DTNA: variants seen among roughly 807,000 people sequenced by gnomAD.
DTNA encodes the protein dystrobrevin alpha, also known as dystrophin-related protein 3.
Under a neutral mutation model 100.7 loss-of-function variants are expected in DTNA, and 43 were observed. The observed-to-expected ratio is 0.43, with a 90% CI of 0.33 to 0.55. The LOEUF (loss-of-function observed/expected upper bound fraction) is 0.55, where lower values mean the gene tolerates loss of function less well. Among genes scored for constraint, DTNA ranks in the 20% least tolerant of loss-of-function variants. DTNA has a pLI of 0.04. For missense variants in DTNA, 798 were observed against 953.9 expected, an observed-to-expected ratio of 0.84 and a Z score of 2.15; for synonymous variants, 349 against 347.9, an observed-to-expected ratio of 1.00 and a Z score of -0.04.
At chr18:34,512,578 TG>T (rs774434201) in intron 1 of DTNA, among the ~76,000 whole-genome samples, 2 of 152,084 alleles carry the variant, frequency 1.3e-5, no homozygotes, top group Non-Finnish European at 2.9e-5. Context: ...GATGGCGCAG[TG>T]GCAGTGTGTG....
At chr18:34,818,012 G>A (rs149336290) in intron 7 of DTNA, 152 bp from the exon 8 acceptor site, 1 of 1,537,916 alleles carries the variant, frequency 6.5e-7, no homozygotes, top group East Asian at 2.4e-5. Context: ...AAGATTCCAG[G>A]AATGAACTAA....
In DTNA at chr18:34,716,161, G is replaced by A. The variant is rs570665068; in HGVS notation, c.-2+5716G>A. 6.6e-5 allele frequency among the ~76,000 whole-genome samples: 10 copies of A among 152,230 alleles called. 1 individual carries two copies. The highest frequency in any genetic ancestry group is 9.6e-5 in the African/African-American group (4 of 41,548). On this transcript the variant is annotated intron_variant, in intron 1 of 22. Transcript: ENST00000444659. ...GTCCTAACAAAATAAATAGTCTAAC[G>A]TATTTACATAGTTTTTCGTTGTTTC... is the stretch of plus-strand genomic sequence containing the variant.
chr18:34,826,844 A>T (rs542235248), intron 9 of DTNA, among the ~76,000 whole-genome samples: 1 of 152,288 alleles, frequency 6.6e-6, no homozygotes, highest in South Asian at 2.1e-4. Context: ...AACATTCATG[A>T]TGGGGAAAGA....
intron 3 of DTNA, 38 bp downstream of exon 3, chr18:34,766,079 A>G (rs1322727170): frequency 6.3e-7 from 1 of 1,599,006 alleles, no homozygotes; most frequent in African/African-American, 1.3e-5. Flanking sequence ...TACCATCATG[A>G]ATCCTATAGT....
At chr18:34,811,611 C>A (rs1278617272) in intron 5 of DTNA, among the ~76,000 whole-genome samples, 1 of 152,180 alleles carries the variant, frequency 6.6e-6, no homozygotes, top group Non-Finnish European at 1.5e-5. Flanking sequence ...GTCAGCGTCT[C>A]TCTCATATAT....
intron 1 of DTNA, among the ~76,000 whole-genome samples, chr18:34,603,241 A>AT (rs1419314550): frequency 6.6e-6 from 1 of 151,618 alleles, no homozygotes; most frequent in East Asian, 1.9e-4. Flanking sequence ...GGAAAAAAAA[A>AT]TCCCATTTAA....
chr18:34,588,555 T>G (rs2049367271), intron 1 of DTNA, among the ~76,000 whole-genome samples: 1 of 152,198 alleles, frequency 6.6e-6, no homozygotes, highest in Non-Finnish European at 1.5e-5. Flanking sequence ...AAGAGCATCT[T>G]CATCCCCTTA....
intron 1 of DTNA, among the ~76,000 whole-genome samples, chr18:34,572,679 A>G (rs1300854069): frequency 2.0e-5 from 3 of 152,068 alleles, no homozygotes; most frequent in Admixed American, 6.6e-5. Flanking sequence ...TGCAGAGTCT[A>G]ATCTAGGTAT....
intron 1 of DTNA, among the ~76,000 whole-genome samples, chr18:34,581,625 T>TG (rs1567948895): frequency 6.7e-6 from 1 of 150,000 alleles, no homozygotes; most frequent in African/African-American, 2.5e-5. Context: ...TAGTTAGTTT[T>TG]TTTTTTTTTT....
chr18:34,496,295 G>T (rs1013372680), intron 1 of DTNA, among the ~76,000 whole-genome samples: 6 of 151,450 alleles, frequency 4.0e-5, no homozygotes, highest in Non-Finnish European at 5.9e-5. Flanking sequence ...GCAGTCCTGT[G>T]GTCAGAGTGG....
intron 1 of DTNA, among the ~76,000 whole-genome samples, chr18:34,654,825 C>T (rs538223736): frequency 6.6e-6 from 1 of 152,138 alleles, no homozygotes; most frequent in Admixed American, 6.5e-5. Context: ...CTCCTGGGTT[C>T]AAGCGATTCT....
chr18:34,858,172 C>T, intron 15 of DTNA, 113 bp from the exon 16 acceptor site: 2 of 994,698 alleles, frequency 2.0e-6, no homozygotes, highest in Non-Finnish European at 3.1e-6. Flanking sequence ...GGTTCTGCTC[C>T]TAAACATAGG....
At chr18:34,722,229 G>A (rs8087222) in intron 1 of DTNA, among the ~76,000 whole-genome samples, 17,950 of 152,028 alleles carry the variant, frequency 0.12, 1,582 homozygotes, top group African/African-American at 0.24. Context: ...AATGTCACTT[G>A]CTAGCTATTA....
intron 1 of DTNA, among the ~76,000 whole-genome samples, chr18:34,740,964 G>C (rs935810414): frequency 1.3e-5 from 2 of 152,202 alleles, no homozygotes; most frequent in Non-Finnish European, 2.9e-5. Flanking sequence ...TCATGAATCA[G>C]AGGAGCATGA....
chr18:34,884,853 T>C, intron 22 of DTNA, 77 bp downstream of exon 22: 2 of 1,485,008 alleles, frequency 1.3e-6, no homozygotes, highest in South Asian at 1.1e-5. Context: ...GAATTCACAA[T>C]CACTTCTCTT....
intron 1 of DTNA, among the ~76,000 whole-genome samples, chr18:34,748,713 G>A (rs1406723737): frequency 1.3e-5 from 2 of 152,140 alleles, no homozygotes; most frequent in Non-Finnish European, 2.9e-5. Flanking sequence ...TGATAGTCTT[G>A]TAGTTTAATT....
At chr18:34,609,337 C>T (rs1157148611) in intron 1 of DTNA, among the ~76,000 whole-genome samples, 2 of 151,642 alleles carry the variant, frequency 1.3e-5, no homozygotes, top group South Asian at 4.2e-4. Context: ...CTCCGCCTCC[C>T]GGGTTCAAGC....
chr18:34,885,707 G>C (rs1282513250), intron 22 of DTNA, among the ~76,000 whole-genome samples: 1 of 152,158 alleles, frequency 6.6e-6, no homozygotes, highest in Non-Finnish European at 1.5e-5. Flanking sequence ...TAAAGAGCTT[G>C]GCATAGTGGA....
At chr18:34,827,568 C>G in intron 9 of DTNA, 25 bp from the exon 10 acceptor site, 1 of 1,610,020 alleles carries the variant, frequency 6.2e-7, no homozygotes, top group Non-Finnish European at 8.5e-7. Flanking sequence ...TTTTAACTTT[C>G]CATTCACCCT....
Sources: allele counts gnomAD v4.1 joint callset (sites outside exome capture counted in the v4.1 genomes callset), GRCh38; gene constraint gnomAD v4.1.1; transcripts MANE v1.5; gene names NCBI Gene and HGNC (gene_info 2026-07-23, HGNC 2026-07-21).